The following TRPC5 variants were observed in gnomAD, a reference collection of about 807,000 sequenced individuals.
TRPC5 encodes the protein short transient receptor potential channel 5.
In TRPC5, 9 loss-of-function variants were observed where a neutral mutation model predicts 56.5. The observed-to-expected ratio is 0.16, with a 90% CI of 0.10 to 0.28. The LOEUF is 0.28. Ranked by LOEUF, TRPC5 falls within the 10% of genes least tolerant of loss-of-function variation. The pLI, the probability that TRPC5 is intolerant of heterozygous loss-of-function variation, is 1.00. For synonymous variants in TRPC5, 282 were observed against 278.5 expected, an observed-to-expected ratio of 1.01 and a Z score of -0.13; for missense variants, 469 against 748.9, an observed-to-expected ratio of 0.63 and a Z score of 4.36.
intron 5 of TRPC5, 139 bp from the exon 6 acceptor site, chrX:111,847,575 G>T (rs1922968634): frequency 1.9e-6 from 1 of 521,403 alleles, no homozygotes; most frequent in South Asian, 3.3e-5. Context: ...CCCCATGCAT[G>T]ACACTATTTG....
intron 3 of TRPC5, chrX:111,902,402 C>T: frequency 3.6e-6 from 1 of 275,840 alleles, no homozygotes; most frequent in Non-Finnish European, 6.3e-6. Context: ...TGTCTTTTGC[C>T]ATGTAGGTCT....
chrX:111,846,549 A>G (rs1191338674), intron 6 of TRPC5, among the ~76,000 whole-genome samples: 2 of 111,444 alleles, frequency 1.8e-5, no homozygotes, highest in Non-Finnish European at 1.9e-5. Flanking sequence ...GACATTTCCA[A>G]TTAGTGCTGG....
intron 1 of TRPC5, among the ~76,000 whole-genome samples, chrX:112,040,373 T>A (rs888836613): frequency 8.9e-6 from 1 of 111,927 alleles, no homozygotes; most frequent in African/African-American, 3.3e-5. Flanking sequence ...AGACTCTTGA[T>A]GATCTAGAAC....
At chrX:112,020,159 C>T (rs1013756620) in intron 1 of TRPC5, among the ~76,000 whole-genome samples, 1 of 111,883 alleles carries the variant, frequency 8.9e-6, no homozygotes, top group African/African-American at 3.2e-5. Flanking sequence ...TCCTAAACTG[C>T]TGGGATTACA....
chrX:111,825,247 T>C (rs1922195294), intron 7 of TRPC5, among the ~76,000 whole-genome samples: 1 of 100,601 alleles, frequency 9.9e-6, no homozygotes, highest in Non-Finnish European at 2.0e-5. Context: ...TCTCTCTCTC[T>C]CTCTCTCTTT....
At chrX:111,960,542 G>A (rs749963435) in intron 1 of TRPC5, among the ~76,000 whole-genome samples, 96 of 112,091 alleles carry the variant, frequency 8.6e-4, no homozygotes, top group Admixed American at 3.4e-3. Flanking sequence ...ATTCTTTGAA[G>A]TAGTCAAGGT....
In TRPC5 at chrX:111,840,794, T is replaced by C. The variant is rs1922707827; in HGVS notation, c.1701-5678A>G. Among the ~76,000 whole-genome samples, 3 of 112,246 alleles carry C rather than the reference T, an allele frequency of 2.7e-5. No individual in the cohort carries two copies. In the Admixed American group the frequency reaches 2.8e-4, roughly 11 times the overall value. On this transcript the variant is annotated intron_variant, in intron 6 of 10. Coordinates refer to ENST00000262839, the MANE Select transcript of TRPC5 (RefSeq NM_012471.3). ...GCACTTTAAAGTACTTTGCATATGGTAAGCATTAATAATAGCAGCTATTCT... is the reference window on the plus strand; with the variant it reads ...GCACTTTAAAGTACTTTGCATATGGCAAGCATTAATAATAGCAGCTATTCT...
chrX:112,074,025 G>A (rs1930776398), intron 1 of TRPC5, among the ~76,000 whole-genome samples: 2 of 111,602 alleles, frequency 1.8e-5, no homozygotes, highest in South Asian at 7.5e-4. Context: ...CTCTGGCCAG[G>A]TACTGGGCTA....
In TRPC5 at chrX:111,881,326, G is replaced by A. The variant is rs981802537; in HGVS notation, c.901-27220C>T. On this transcript the variant is annotated intron_variant, in intron 3 of 10. Coordinates refer to ENST00000262839, the MANE Select transcript of TRPC5 (RefSeq NM_012471.3). ...CGAGTAGCTGGGACTACAGGCACGC[G>A]CCACCACACCCAGCTAACTTCTTGT... 1.2e-4 allele frequency among the ~76,000 whole-genome samples: 13 copies of A among 110,214 alleles called. No individual in the cohort carries two copies. The East Asian group carries it at 1.4e-3, about 12-fold the overall frequency.
At chrX:111,952,584 G>A (rs765608364) in intron 1 of TRPC5, 143 bp from the exon 2 acceptor site, 1 of 609,490 alleles carries the variant, frequency 1.6e-6, no homozygotes, top group South Asian at 4.3e-5. Context: ...TTACAAAGAA[G>A]TATAACAGAA....
At chrX:112,044,973 T>C (rs143720676) in intron 1 of TRPC5, among the ~76,000 whole-genome samples, 118 of 112,256 alleles carry the variant, frequency 1.1e-3, no homozygotes, top group African/African-American at 3.7e-3. Flanking sequence ...TTATAAACCA[T>C]TTAACTTGTT....
chrX:112,057,293 C>A (rs1930363046), intron 1 of TRPC5, among the ~76,000 whole-genome samples: 1 of 108,125 alleles, frequency 9.2e-6, no homozygotes, highest in Non-Finnish European at 1.9e-5. Flanking sequence ...GATTTGTAAC[C>A]AATCAACTAG....
At chrX:112,055,709 A>G (rs1286983016) in intron 1 of TRPC5, among the ~76,000 whole-genome samples, 1 of 108,860 alleles carries the variant, frequency 9.2e-6, no homozygotes, top group Non-Finnish European at 1.9e-5. Context: ...TGTTTCTAGT[A>G]CAGTAGCATA....
Position 111,912,531 on chromosome X carries a change from G to A in TRPC5, c.660C>T (p.Ala220=), listed in dbSNP as rs778401884. 7 of 1,211,748 alleles carry A rather than the reference G, an allele frequency of 5.8e-6. No individual in the cohort carries two copies. Among genetic ancestry groups the A allele is most frequent in the Non-Finnish European group, 7.8e-6 (7 of 895,555 alleles). Residue 220 remains alanine, a synonymous_variant, in exon 3 of 11, where the codon GCC becomes GCT. Coordinates refer to ENST00000262839, the MANE Select transcript of TRPC5 (RefSeq NM_012471.3). ...ALSSEDPILT[A]FRLGWELKEL... Reference sequence around the variant, plus strand: ...CCTTGAGCTCCCAGCCCAGACGGAAGGCAGTTAGGATGGGGTCCTCACTTG... The same window carrying A: ...CCTTGAGCTCCCAGCCCAGACGGAAAGCAGTTAGGATGGGGTCCTCACTTG...
intron 3 of TRPC5, chrX:111,901,774 T>C: frequency 2.4e-6 from 2 of 824,947 alleles, no homozygotes; most frequent in Non-Finnish European, 3.3e-6. Context: ...TAGCCCCTTA[T>C]ACTATCCATT....
In TRPC5 at chrX:111,800,227, C is replaced by T. The variant is rs184567666; in HGVS notation, c.1897-18089G>A. 3.5e-4 allele frequency among the ~76,000 whole-genome samples: 39 copies of T among 111,644 alleles called. No individual in the cohort carries two copies. In the South Asian group the frequency reaches 7.2e-3, roughly 21 times the overall value. ...TTCCCTTCCTCTTCAGCCTACTCAACGTGAAGATAATAAGGATGAAGACCT... is the reference window on the plus strand; with the variant it reads ...TTCCCTTCCTCTTCAGCCTACTCAATGTGAAGATAATAAGGATGAAGACCT... On this transcript the variant is annotated intron_variant, in intron 7 of 10. Coordinates refer to ENST00000262839, the MANE Select transcript of TRPC5 (RefSeq NM_012471.3).
At chrX:112,067,027 C>T (rs1930601725) in intron 1 of TRPC5, among the ~76,000 whole-genome samples, 1 of 112,430 alleles carries the variant, frequency 8.9e-6, no homozygotes, top group Admixed American at 9.4e-5. Flanking sequence ...ATATCCGGAG[C>T]TTCAGCTTTG....
At chrX:112,000,433 G>T (rs1362280100) in intron 1 of TRPC5, among the ~76,000 whole-genome samples, 2 of 112,003 alleles carry the variant, frequency 1.8e-5, no homozygotes, top group Non-Finnish European at 3.8e-5. Context: ...GTGAGTAGAT[G>T]ATCTGGACAG....
intron 1 of TRPC5, among the ~76,000 whole-genome samples, chrX:111,960,730 A>T (rs772223681): frequency 3.7e-4 from 41 of 111,986 alleles, no homozygotes; most frequent in African/African-American, 1.3e-3. Context: ...GACAATGTTC[A>T]CACAGGAGCT....
Sources: allele counts gnomAD v4.1 joint callset (sites outside exome capture counted in the v4.1 genomes callset), GRCh38; gene constraint gnomAD v4.1.1; transcripts MANE v1.5; gene names NCBI Gene and HGNC (gene_info 2026-07-23, HGNC 2026-07-21).